The following RALGAPA2 variants were observed in gnomAD, a reference collection of about 807,000 sequenced individuals.
The protein encoded by RALGAPA2 is Ral GTPase activating protein catalytic subunit alpha 2.
Under a neutral mutation model 230.4 loss-of-function variants are expected in RALGAPA2, and 139 were observed. That is an observed-to-expected ratio of 0.60 (90% CI 0.53 to 0.69). The LOEUF is 0.69. Ranked by LOEUF, RALGAPA2 falls within the 30% of genes least tolerant of loss-of-function variation. The pLI is 0.00. For synonymous variants in RALGAPA2, 847 were observed against 837.8 expected, an observed-to-expected ratio of 1.01 and a Z score of -0.19; for missense variants, 2,163 against 2,276.0, an observed-to-expected ratio of 0.95 and a Z score of 1.01.
At chr20:20,503,583 GA>G (rs1157826623) in intron 34 of RALGAPA2, 77 bp from the exon 35 acceptor site, 14 of 1,149,262 alleles carry the variant, frequency 1.2e-5, no homozygotes, top group South Asian at 3.2e-5. Context: ...TGTGAATTCA[GA>G]AAAAAAATAA....
chr20:20,616,983 A>C (rs1214777368), intron 12 of RALGAPA2, among the ~76,000 whole-genome samples: 1 of 152,210 alleles, frequency 6.6e-6, no homozygotes, highest in Non-Finnish European at 1.5e-5. Flanking sequence ...AGGATATCAT[A>C]TACTATTACT....
intron 9 of RALGAPA2, among the ~76,000 whole-genome samples, chr20:20,634,588 C>T (rs1364166606): frequency 6.6e-6 from 1 of 152,130 alleles, no homozygotes; most frequent in Non-Finnish European, 1.5e-5. Context: ...CACTTATCTG[C>T]CTCCTCAGGT....
In RALGAPA2 at chr20:20,512,867, C is replaced by G; in HGVS notation, c.4502G>C (p.Arg1501Pro). The G allele has an allele frequency of 6.2e-7, 1 of 1,613,698 alleles. No homozygotes were observed. Among genetic ancestry groups the G allele is most frequent in the Non-Finnish European group, 8.5e-7 (1 of 1,179,634 alleles). The stretch of plus-strand genomic sequence containing the variant: ...GTCTTTCTGAGGTCCAAATGTGTCA[C>G]GATGCCAGCTCGAAATCAGAAATGA... Reference protein sequence around the residue: ...NPSFLISSWHRDTFGPQKDSS... With the variant: ...NPSFLISSWHPDTFGPQKDSS... The change falls in exon 32 of 40, where the codon CGT becomes CCT. Residue 1501 changes from arginine (R) to proline (P), a missense_variant. Transcript: ENST00000202677.
At chr20:20,418,837 C>T (rs2060218964) in intron 37 of RALGAPA2, among the ~76,000 whole-genome samples, 1 of 152,186 alleles carries the variant, frequency 6.6e-6, no homozygotes. Context: ...GTCCTGGACT[C>T]AAGCAATCCT....
chr20:20,438,893 G>A (rs904176596), intron 37 of RALGAPA2, among the ~76,000 whole-genome samples: 7 of 152,134 alleles, frequency 4.6e-5, no homozygotes, highest in African/African-American at 7.2e-5. Context: ...AAAAAAAGGC[G>A]TAAAATTGTG....
intron 37 of RALGAPA2, among the ~76,000 whole-genome samples, chr20:20,442,828 G>T (rs79941379): frequency 7.9e-4 from 120 of 152,358 alleles, no homozygotes; most frequent in African/African-American, 2.8e-3. Flanking sequence ...GCCTTTTACA[G>T]AGAAAAATTG....
intron 37 of RALGAPA2, among the ~76,000 whole-genome samples, chr20:20,419,554 A>G (rs1232425881): frequency 6.6e-6 from 1 of 152,206 alleles, no homozygotes; most frequent in Non-Finnish European, 1.5e-5. Flanking sequence ...ACTCTGACAG[A>G]AGGGATTCAA....
chr20:20,505,527 T>TCTCA lies in RALGAPA2; in HGVS notation c.4932_4935dup (p.Thr1646Ter), dbSNP rs2062507350. ...ATGTAAAACACTGCGATTTTGTGTG[T>TCTCA]CTCACGGCTATAAATTTTTAAATTT... On this transcript the variant is annotated stop_gained and frameshift_variant, in exon 34 of 40. Coordinates refer to ENST00000202677, the MANE Select transcript of RALGAPA2 (RefSeq NM_020343.4). LOFTEE classifies it high-confidence loss of function. 6.3e-7 allele frequency: 1 copy of TCTCA among 1,576,450 alleles called. No homozygotes were observed. Among genetic ancestry groups the TCTCA allele is most frequent in the African/African-American group, 1.4e-5 (1 of 72,954 alleles).
Position 20,605,332 on chromosome 20 carries a change from C to G in RALGAPA2, c.1881G>C (p.Leu627=). The G allele has an allele frequency of 6.2e-7, 1 of 1,613,768 alleles. No individual in the cohort carries two copies. Among genetic ancestry groups the G allele is most frequent in the Non-Finnish European group, 8.5e-7 (1 of 1,179,756 alleles). ...GTTCCTCCCATTCCGTGAGGGAGGA[C>G]AGCACACCAAGAAAGTCATCCCAGA... The part of the protein sequence containing the change: ...RELWDDFLGV[L]SSLTEWEELI... The change falls in exon 15 of 40, where the codon CTG becomes CTC. Residue 627 remains leucine (L), a synonymous_variant. Transcript: ENST00000202677.
At chr20:20,693,727 C>A (rs930418675) in intron 1 of RALGAPA2, among the ~76,000 whole-genome samples, 1 of 152,130 alleles carries the variant, frequency 6.6e-6, no homozygotes, top group African/African-American at 2.4e-5. Flanking sequence ...CCATTCTTAC[C>A]CCCACTAGAA....
chr20:20,544,672 A>G (rs1348400177), intron 24 of RALGAPA2, among the ~76,000 whole-genome samples: 1 of 152,194 alleles, frequency 6.6e-6, no homozygotes, highest in Non-Finnish European at 1.5e-5. Flanking sequence ...TATATATACC[A>G]TGGAATACTG....
At chr20:20,395,414 G>A (rs545298092) in intron 39 of RALGAPA2, among the ~76,000 whole-genome samples, 1 of 152,330 alleles carries the variant, frequency 6.6e-6, no homozygotes, top group African/African-American at 2.4e-5. Context: ...GCCTCCTCCC[G>A]GTGATGGAAG....
chr20:20,549,629 G>A (rs1361628349), intron 23 of RALGAPA2, among the ~76,000 whole-genome samples: 3 of 152,138 alleles, frequency 2.0e-5, no homozygotes, highest in Non-Finnish European at 2.9e-5. Flanking sequence ...GGAACAACTC[G>A]AAGACTGTAT....
chr20:20,509,842 C>T (rs770791469), intron 33 of RALGAPA2, among the ~76,000 whole-genome samples: 1 of 152,126 alleles, frequency 6.6e-6, no homozygotes, highest in Non-Finnish European at 1.5e-5. Context: ...ATTATTTTAT[C>T]TACTCAGTCC....
At chr20:20,426,473 T>A (rs536926179) in intron 37 of RALGAPA2, among the ~76,000 whole-genome samples, 1 of 152,046 alleles carries the variant, frequency 6.6e-6, no homozygotes, top group Non-Finnish European at 1.5e-5. Flanking sequence ...TTGAGTGGGG[T>A]AGTGAAGCCA....
intron 23 of RALGAPA2, among the ~76,000 whole-genome samples, chr20:20,547,937 T>C (rs1426773340): frequency 6.6e-6 from 1 of 152,182 alleles, no homozygotes; most frequent in African/African-American, 2.4e-5. Context: ...CAATGGAAAT[T>C]GTCTGCATAT....
chr20:20,524,332 C>T lies in RALGAPA2; in HGVS notation c.3900+74G>A, dbSNP rs543566394. 4.1e-4 allele frequency: 642 copies of T among 1,553,340 alleles called. 6 individuals are homozygous for T. The South Asian group carries it at 7.0e-3, about 17-fold the overall frequency. On this transcript the variant is annotated intron_variant, in intron 30 of 39. Coordinates refer to ENST00000202677, the MANE Select transcript of RALGAPA2 (RefSeq NM_020343.4). The stretch of plus-strand genomic sequence containing the variant: ...AAGGGCAATGACAAATAAGTACATG[C>T]ATAAGACATATTTTGGTGGTTCTCT...
chr20:20,686,730 C>G (rs930475507), intron 1 of RALGAPA2, among the ~76,000 whole-genome samples: 1 of 152,186 alleles, frequency 6.6e-6, no homozygotes, highest in African/African-American at 2.4e-5. Flanking sequence ...TACACACCCA[C>G]AAAACCAGTG....
At chr20:20,563,570 C>T (rs543616464) in intron 23 of RALGAPA2, among the ~76,000 whole-genome samples, 13 of 152,280 alleles carry the variant, frequency 8.5e-5, no homozygotes, top group South Asian at 6.2e-4. Flanking sequence ...GGTGTATCCT[C>T]GGATGCACCC....
Sources: allele counts gnomAD v4.1 joint callset (sites outside exome capture counted in the v4.1 genomes callset), GRCh38; gene constraint gnomAD v4.1.1; transcripts MANE v1.5; gene names NCBI Gene and HGNC (gene_info 2026-07-23, HGNC 2026-07-21).